Variants in NKAIN3 observed in about 807,000 individuals in gnomAD.
NKAIN3 encodes sodium/potassium-transporting ATPase subunit beta-1-interacting protein 3.
A neutral mutation model predicts 30.2 loss-of-function variants in NKAIN3; 25 were observed. That is an observed-to-expected ratio of 0.83 (90% CI 0.60 to 1.16). The LOEUF (loss-of-function observed/expected upper bound fraction) is 1.16. Among genes scored for constraint, NKAIN3 ranks in the 50% most tolerant of loss-of-function variants. The pLI is 0.00. For missense variants in NKAIN3, 225 were observed against 254.1 expected, an observed-to-expected ratio of 0.89 and a Z score of 0.78; for synonymous variants, 91 against 89.6, an observed-to-expected ratio of 1.02 and a Z score of -0.09.
At chr8:62,826,435 C>A (rs12680398) in intron 4 of NKAIN3, among the ~76,000 whole-genome samples, 30,128 of 152,116 alleles carry the variant, frequency 0.2, 3,160 homozygotes, top group East Asian at 0.33. Context: ...TCTATATTCT[C>A]TTTAATTCAG....
At chr8:62,326,463 T>G (rs1166616763) in intron 1 of NKAIN3, among the ~76,000 whole-genome samples, 1 of 151,944 alleles carries the variant, frequency 6.6e-6, no homozygotes, top group African/African-American at 2.4e-5. Flanking sequence ...TTAAAGTCTT[T>G]GATCCATCTT....
chr8:62,477,514 A>C (rs542439235), intron 1 of NKAIN3, among the ~76,000 whole-genome samples: 1 of 152,280 alleles, frequency 6.6e-6, no homozygotes, highest in Admixed American at 6.5e-5. Flanking sequence ...CCGGGAAACT[A>C]TTCCCTCACA....
At chr8:62,653,331 T>A (rs1812680379) in intron 3 of NKAIN3, among the ~76,000 whole-genome samples, 1 of 152,122 alleles carries the variant, frequency 6.6e-6, no homozygotes. Context: ...CTCTTCTTAT[T>A]AGGGTACTAA....
At chr8:62,304,071 T>C (rs1814141399) in intron 1 of NKAIN3, among the ~76,000 whole-genome samples, 1 of 150,466 alleles carries the variant, frequency 6.6e-6, no homozygotes, top group Admixed American at 6.6e-5. Context: ...TTTTTATATT[T>C]AAATTGAAAT....
chr8:62,334,342 T>C (rs1815459735), intron 1 of NKAIN3, among the ~76,000 whole-genome samples: 1 of 152,106 alleles, frequency 6.6e-6, no homozygotes, highest in South Asian at 2.1e-4. Flanking sequence ...TCAGTAATCC[T>C]TGGCATTCCT....
chr8:62,551,182 T>C (rs767870852), intron 1 of NKAIN3, among the ~76,000 whole-genome samples: 1 of 152,116 alleles, frequency 6.6e-6, no homozygotes, highest in Non-Finnish European at 1.5e-5. Context: ...TTTCTATAGC[T>C]ACATTAATTT....
chr8:62,442,801 T>C (rs1281871080), intron 1 of NKAIN3, among the ~76,000 whole-genome samples: 2 of 152,012 alleles, frequency 1.3e-5, no homozygotes, highest in Non-Finnish European at 2.9e-5. Flanking sequence ...CTCTAAATTG[T>C]TCCTTATTCC....
chr8:62,944,036 C>T (rs998806281), intron 5 of NKAIN3, among the ~76,000 whole-genome samples: 3 of 151,774 alleles, frequency 2.0e-5, no homozygotes, highest in South Asian at 2.1e-4. Context: ...GAGGGATAAA[C>T]GACTACACAT....
chr8:62,360,476 C>T (rs1241617647), intron 1 of NKAIN3, among the ~76,000 whole-genome samples: 6 of 152,126 alleles, frequency 3.9e-5, no homozygotes, highest in Non-Finnish European at 5.9e-5. Flanking sequence ...AAGTAGCTAA[C>T]ATGTTTAGAA....
chr8:62,300,530 T>A (rs906306697), intron 1 of NKAIN3, among the ~76,000 whole-genome samples: 2 of 152,100 alleles, frequency 1.3e-5, no homozygotes, highest in African/African-American at 4.8e-5. Flanking sequence ...TAAAATATAT[T>A]TTTCTAGCAA....
At position 62,750,465 on chromosome 8, in the gene NKAIN3, G is replaced by T. The variant is rs539160430; in HGVS notation, c.471+3336G>T. On this transcript the variant is annotated intron_variant, in intron 4 of 6. Transcript: ENST00000623646. The stretch of plus-strand genomic sequence containing the variant: ...TACAATTAACTGGACTCAGAAAGGC[G>T]AAGACGGGCGGGGTTCCTTACCAGG... Among the ~76,000 whole-genome samples the T allele has an allele frequency of 6.6e-5, 10 of 152,272 alleles. No homozygotes were observed. The South Asian group carries it at 1.9e-3, about 28-fold the overall frequency.
At chr8:62,669,027 A>C (rs985684674) in intron 3 of NKAIN3, among the ~76,000 whole-genome samples, 2 of 152,136 alleles carry the variant, frequency 1.3e-5, no homozygotes, top group Non-Finnish European at 2.9e-5. Flanking sequence ...TACCACTCAG[A>C]TCTCCCTTCA....
chr8:62,359,950 G>A (rs368303458), intron 1 of NKAIN3, among the ~76,000 whole-genome samples: 80 of 152,278 alleles, frequency 5.3e-4, no homozygotes, highest in Middle Eastern at 3.4e-3. Flanking sequence ...AAGAGGAGAG[G>A]TCCTGGTGTT....
At chr8:62,436,141 A>C (rs1563398167) in intron 1 of NKAIN3, among the ~76,000 whole-genome samples, 1 of 152,212 alleles carries the variant, frequency 6.6e-6, no homozygotes, top group Non-Finnish European at 1.5e-5. Flanking sequence ...GACTGCTCTC[A>C]AATATTATAT....
At chr8:62,869,373 G>A (rs987233500) in intron 4 of NKAIN3, among the ~76,000 whole-genome samples, 10 of 152,060 alleles carry the variant, frequency 6.6e-5, no homozygotes, top group South Asian at 2.1e-4. Flanking sequence ...CCCCTCCCGG[G>A]GTCCATGTGT....
intron 4 of NKAIN3, among the ~76,000 whole-genome samples, chr8:62,815,288 G>A (rs1206453280): frequency 6.6e-6 from 1 of 151,956 alleles, no homozygotes; most frequent in Non-Finnish European, 1.5e-5. Flanking sequence ...TTCTACCAGA[G>A]GTACAAGGAG....
At chr8:62,707,392 T>A (rs1235931882) in intron 3 of NKAIN3, among the ~76,000 whole-genome samples, 1 of 152,124 alleles carries the variant, frequency 6.6e-6, no homozygotes, top group African/African-American at 2.4e-5. Context: ...CAACATCTAC[T>A]GTTTTTTGAT....
intron 1 of NKAIN3, among the ~76,000 whole-genome samples, chr8:62,564,448 C>G (rs529336209): frequency 6.6e-6 from 1 of 152,148 alleles, no homozygotes; most frequent in Admixed American, 6.6e-5. Flanking sequence ...TATGAAACTT[C>G]TTTAAGCAAG....
At chr8:62,261,398 G>C (rs1275530760) in intron 1 of NKAIN3, among the ~76,000 whole-genome samples, 1 of 152,130 alleles carries the variant, frequency 6.6e-6, no homozygotes, top group African/African-American at 2.4e-5. Flanking sequence ...CTGATAATGG[G>C]TTATAGGTTG....
Sources: allele counts gnomAD v4.1 joint callset (sites outside exome capture counted in the v4.1 genomes callset), GRCh38; gene constraint gnomAD v4.1.1; transcripts MANE v1.5; gene names NCBI Gene and HGNC (gene_info 2026-07-23, HGNC 2026-07-21).